CPZ: variants seen among roughly 807,000 people sequenced by gnomAD.
CPZ encodes the protein carboxypeptidase Z, also known as VEZT/CPZ fusion.
In CPZ, 103 loss-of-function variants were observed where a neutral mutation model predicts 61.8. The observed-to-expected ratio is 1.67, with a 90% CI of 1.42 to 1.96. The LOEUF (loss-of-function observed/expected upper bound fraction) is 1.96. CPZ is among the 30% of genes most tolerant of loss of function. CPZ has a pLI of 0.00. For synonymous variants in CPZ, 551 were observed against 373.7 expected (o/e 1.47, Z -5.47); for missense variants, 1,461 against 914.9 (o/e 1.60, Z -7.70).
At chr4:8,610,200 C>T (rs186271404) in intron 7 of CPZ, among the ~76,000 whole-genome samples, 2 of 152,326 alleles carry the variant, frequency 1.3e-5, no homozygotes, top group Non-Finnish European at 2.9e-5. Flanking sequence ...CCCAGCTTCC[C>T]TGCTCCCGCC....
At chr4:8,611,137 T>C (rs537053265) in intron 7 of CPZ, 52 of 433,722 alleles carry the variant, frequency 1.2e-4, no homozygotes, top group Admixed American at 2.4e-4. Flanking sequence ...CACCCTCTAG[T>C]GTCCTCCACT....
At chr4:8,609,550 T>G (rs892921797) in intron 7 of CPZ, among the ~76,000 whole-genome samples, 1 of 138,650 alleles carries the variant, frequency 7.2e-6, no homozygotes, top group East Asian at 1.9e-4. Context: ...ACTTCTGGCC[T>G]GGCCTTGCAC....
chr4:8,609,199 C>CTCATTCACTTACTCAT (rs1315268134), intron 7 of CPZ, among the ~76,000 whole-genome samples: 6 of 109,778 alleles, frequency 5.5e-5, no homozygotes, highest in Non-Finnish European at 1.0e-4. Context: ...CACTCACTCC[C>CTCATTCACTTACTCAT]TCACTCACTT....
At chr4:8,618,116 CA>C (rs1483652526) in intron 9 of CPZ, 3 of 360,324 alleles carry the variant, frequency 8.3e-6, no homozygotes, top group Admixed American at 8.7e-5. Context: ...GCCGATCAGG[CA>C]GAAGAGTGGC....
intron 10 of CPZ, 71 bp downstream of exon 10, chr4:8,618,599 C>T: frequency 1.4e-6 from 2 of 1,388,892 alleles, no homozygotes; most frequent in South Asian, 1.2e-5. Flanking sequence ...GCAGCCGGCA[C>T]CCTCAGGCAC....
intron 7 of CPZ, among the ~76,000 whole-genome samples, chr4:8,610,093 T>G (rs766689488): frequency 4.6e-5 from 7 of 152,214 alleles, no homozygotes; most frequent in Non-Finnish European, 8.8e-5. Context: ...GCTGTGGGAA[T>G]GAGCATAGCC....
intron 7 of CPZ, among the ~76,000 whole-genome samples, chr4:8,610,191 C>T (rs1383982415): frequency 6.6e-6 from 1 of 152,208 alleles, no homozygotes; most frequent in Admixed American, 6.5e-5. Context: ...CCATTCAGTC[C>T]CAGCTTCCCT....
intron 7 of CPZ, among the ~76,000 whole-genome samples, chr4:8,609,256 CTCATTCTCTTAT>C (rs1296038721): frequency 1.2e-5 from 1 of 81,826 alleles, no homozygotes; most frequent in African/African-American, 6.5e-5. Flanking sequence ...TCATCACTCA[CTCATTCTCTTAT>C]TCATTCACAC....
intron 4 of CPZ, among the ~76,000 whole-genome samples, chr4:8,605,047 GAGGGCAAGAGGTGCCCCTGTGCAGA>G (rs1714834355): frequency 6.6e-6 from 1 of 152,202 alleles, no homozygotes. Flanking sequence ...ACTGGAATTT[GAGGGCAAGAGGTGCCCCTGTGCAGA>G]AGGCCAAGGG....
At chr4:8,603,332 G>C (rs1164022093) in intron 3 of CPZ, 1 of 152,278 alleles carries the variant, frequency 6.6e-6, no homozygotes. Context: ...GGAAGCTGGT[G>C]CGTATGTGGT....
intron 10 of CPZ, 64 bp downstream of exon 10, chr4:8,618,592 G>T (rs771884433): frequency 2.3e-5 from 34 of 1,475,262 alleles, no homozygotes; most frequent in Non-Finnish European, 3.0e-5. Context: ...CACCGTGGCA[G>T]CCGGCACCCT....
Position 8,603,987 on chromosome 4 carries a change from G to A in CPZ, c.508G>A (p.Ala170Thr), listed in dbSNP as rs1714758500. ...CACTGCTCCCCCAGGAGGCCTGGAG[G>A]CTGACGAGGCACTGCCCTCAGGGCT... ...PLEKLRGGLE[A>T]DEALPSGLPP... is the part of the protein sequence containing the mutation. The change falls in exon 4 of 11, where the codon GCT becomes ACT. Residue 170 changes from alanine to threonine, a missense_variant. By Grantham distance (58) the Ala-to-Thr change is moderately conservative. Coordinates refer to ENST00000360986, the MANE Select transcript of CPZ (RefSeq NM_001014447.3). 1 of 1,612,080 alleles carries A rather than the reference G, an allele frequency of 6.2e-7. No individual in the cohort carries two copies. The highest frequency in any genetic ancestry group is 1.7e-5 in the Admixed American group (1 of 60,024).
At chr4:8,607,928 T>G (rs1240667512) in intron 7 of CPZ, among the ~76,000 whole-genome samples, 3 of 152,096 alleles carry the variant, frequency 2.0e-5, no homozygotes, top group African/African-American at 7.2e-5. Context: ...GGCCATTAGG[T>G]GAGGCCCTCC....
intron 9 of CPZ, among the ~76,000 whole-genome samples, chr4:8,616,543 C>G (rs188427062): frequency 4.6e-5 from 7 of 152,246 alleles, no homozygotes; most frequent in Admixed American, 2.0e-4. Flanking sequence ...CCCAGTGTGG[C>G]TGGTCATCAG....
rs780303057 is a variant in CPZ, at chr4:8,601,110, C to G, written c.122-13C>G. On this transcript the variant is annotated splice_polypyrimidine_tract_variant and intron_variant, in intron 2 of 10. Transcript: ENST00000360986. The stretch of plus-strand genomic sequence containing the variant: ...CTGCAGGAGGGACTGACCTGCCGAC[C>G]CTGCCTCCCCAGCCACCTGCGTGGA... The G allele has an allele frequency of 9.0e-6, 14 of 1,556,182 alleles. No homozygotes were observed. The highest frequency in any genetic ancestry group is 6.8e-5 in the East Asian group (3 of 43,842).
intron 7 of CPZ, among the ~76,000 whole-genome samples, chr4:8,609,601 C>G (rs184267359): frequency 2.7e-5 from 4 of 149,102 alleles, no homozygotes; most frequent in African/African-American, 7.8e-5. Context: ...GGGCAGGTGT[C>G]CCCCTCTGCA....
chr4:8,613,121 C>T (rs1715852694), intron 8 of CPZ, among the ~76,000 whole-genome samples: 1 of 151,008 alleles, frequency 6.6e-6, no homozygotes, highest in African/African-American at 2.4e-5. Flanking sequence ...TGGGAGAGGC[C>T]CCTCTCTGTT....
At chr4:8,609,202 A>ATTCACTTACTCATTCACTCCCTCC (rs1313324675) in intron 7 of CPZ, among the ~76,000 whole-genome samples, 16 of 95,380 alleles carry the variant, frequency 1.7e-4, no homozygotes, top group African/African-American at 5.4e-4. Flanking sequence ...TCACTCCCTC[A>ATTCACTTACTCATTCACTCCCTCC]CTCACTTACT....
At position 8,612,092 on chromosome 4, in the gene CPZ, T is replaced by C. The variant is rs573953659; in HGVS notation, c.1293T>C (p.Asn431=). 24 of 1,612,982 alleles carry C rather than the reference T, an allele frequency of 1.5e-5. No individual in the cohort carries two copies. The highest frequency in any genetic ancestry group is 1.7e-4 in the Middle Eastern group (1 of 6,058). Residue 431 remains asparagine (N), a synonymous_variant, in exon 8 of 11, where the codon AAT becomes AAC. Coordinates refer to ENST00000360986, the MANE Select transcript of CPZ (RefSeq NM_001014447.3). ...VHPMMMDRSE[N]RCGGNFLKRG... ...CCATGATGATGGACAGGTCGGAGAA[T>C]AGGTGTGGAGGCAATTTCCTGAAGA...
Sources: allele counts gnomAD v4.1 joint callset (sites outside exome capture counted in the v4.1 genomes callset), GRCh38; gene constraint gnomAD v4.1.1; transcripts MANE v1.5; gene names NCBI Gene and HGNC (gene_info 2026-07-23, HGNC 2026-07-21).